Variants in TOX2 observed in about 807,000 individuals in gnomAD.
The protein encoded by TOX2 is TOX high mobility group box family member 2, also known as granulosa cell HMG box 1.
TOX2 carries 15 observed loss-of-function variants against 47.4 expected under a neutral mutation model. That is an observed-to-expected ratio of 0.32 (90% CI 0.21 to 0.49). The LOEUF is 0.49. TOX2 is among the 20% of genes least tolerant of loss of function. The pLI, the probability that TOX2 is intolerant of heterozygous loss-of-function variation, is 0.99. For synonymous variants in TOX2, 290 were observed against 296.6 expected (o/e 0.98, Z 0.23); for missense variants, 622 against 673.1 (o/e 0.92, Z 0.84).
At chr20:43,949,863 C>T (rs1019462505) in intron 1 of TOX2, among the ~76,000 whole-genome samples, 6 of 152,158 alleles carry the variant, frequency 3.9e-5, no homozygotes, top group Non-Finnish European at 8.8e-5. Flanking sequence ...GATGATGCAC[C>T]TTTATTCTCA....
rs1039678367 is a variant in TOX2, at chr20:43,915,909, G to A, written c.99+919G>A. On this transcript the variant is annotated intron_variant, in intron 1 of 8. Transcript: ENST00000341197. This position sits in a 1 kb window ranked among gnomAD's most constrained non-coding sequence, Gnocchi z 7.1. ...CTGCGCTGCGCCGGGCGCATTCCCA[G>A]TGATGGAGGCTTGCGTGCCTGGAAC... Among the ~76,000 whole-genome samples the A allele has an allele frequency of 4.6e-5, 7 of 152,246 alleles. No individual in the cohort carries two copies. Among genetic ancestry groups the A allele is most frequent in the African/African-American group, 1.4e-4 (6 of 41,468 alleles).
chr20:44,013,748 A>G (rs1488097493), intron 3 of TOX2, among the ~76,000 whole-genome samples: 1 of 152,138 alleles, frequency 6.6e-6, no homozygotes, highest in Admixed American at 6.5e-5. Flanking sequence ...TTATTCTAGG[A>G]TGGCCTTATT....
chr20:44,006,840 G>T, intron 3 of TOX2, 48 bp downstream of exon 3: 1 of 1,579,192 alleles, frequency 6.3e-7, no homozygotes, highest in Non-Finnish European at 8.6e-7. Flanking sequence ...CAGCAGGGAG[G>T]GGGTTGAGAG....
intron 2 of TOX2, among the ~76,000 whole-genome samples, chr20:44,005,823 G>A (rs796093825): frequency 2.6e-5 from 4 of 152,080 alleles, no homozygotes; most frequent in South Asian, 4.2e-4. Context: ...TGTGGCAAAT[G>A]GCATCCTTTG....
intron 3 of TOX2, among the ~76,000 whole-genome samples, chr20:44,036,337 G>C (rs1018918419): frequency 6.6e-6 from 1 of 152,232 alleles, no homozygotes; most frequent in African/African-American, 2.4e-5. Flanking sequence ...CAGCAATGGG[G>C]TAGGGCTGTG....
intron 1 of TOX2, chr20:43,945,825 G>C: frequency 6.4e-7 from 1 of 1,567,370 alleles, no homozygotes. Flanking sequence ...GGGGGTGCTG[G>C]GCCTCCAGCC....
intron 2 of TOX2, among the ~76,000 whole-genome samples, chr20:43,995,332 A>G (rs1202580229): frequency 6.6e-6 from 1 of 152,144 alleles, no homozygotes; most frequent in African/African-American, 2.4e-5. Flanking sequence ...GACAAGCCTG[A>G]CAAAATTGCA....
intron 2 of TOX2, among the ~76,000 whole-genome samples, chr20:44,002,323 T>G (rs1350976975): frequency 6.6e-6 from 1 of 152,154 alleles, no homozygotes; most frequent in African/African-American, 2.4e-5. Flanking sequence ...GTCCCCCATA[T>G]CCCAGTGTGC....
At chr20:44,046,695 T>G (rs914454944) in intron 3 of TOX2, among the ~76,000 whole-genome samples, 6 of 152,210 alleles carry the variant, frequency 3.9e-5, no homozygotes, top group Non-Finnish European at 7.3e-5. Flanking sequence ...AAGCCAATTC[T>G]TTTGAGATTT....
intron 3 of TOX2, among the ~76,000 whole-genome samples, chr20:44,036,507 T>A (rs733748): frequency 0.76 from 115,360 of 152,192 alleles, 43,858 homozygotes; most frequent in Middle Eastern, 0.81. Flanking sequence ...GAGTAAGAAG[T>A]AACTGGTCAA....
intron 3 of TOX2, among the ~76,000 whole-genome samples, chr20:44,018,288 G>A (rs983000666): frequency 6.6e-6 from 1 of 152,152 alleles, no homozygotes; most frequent in Admixed American, 6.5e-5. Context: ...CCTAATCAGA[G>A]CACTCGAGGC....
chr20:44,041,016 T>A (rs549535998), intron 3 of TOX2, among the ~76,000 whole-genome samples: 7 of 152,092 alleles, frequency 4.6e-5, no homozygotes, highest in Admixed American at 1.3e-4. Context: ...ATGGGGTTCT[T>A]GTGAAGGTTG....
intron 1 of TOX2, among the ~76,000 whole-genome samples, chr20:43,972,324 A>G (rs914077616): frequency 3.9e-5 from 6 of 152,144 alleles, no homozygotes; most frequent in Admixed American, 1.3e-4. Flanking sequence ...AGAGTTCCCC[A>G]TCAGAGCAGG....
intron 3 of TOX2, among the ~76,000 whole-genome samples, chr20:44,024,638 G>A (rs985851987): frequency 2.0e-5 from 3 of 151,690 alleles, no homozygotes; most frequent in Admixed American, 1.3e-4. Flanking sequence ...AATGGCACAT[G>A]TTCACTGTGA....
intron 3 of TOX2, among the ~76,000 whole-genome samples, chr20:44,033,355 G>T (rs2071186486): frequency 6.6e-6 from 1 of 152,120 alleles, no homozygotes; most frequent in East Asian, 1.9e-4. Flanking sequence ...AGCTTTAGTT[G>T]TGACTTCCCA....
At chr20:43,957,165 G>C (rs1340856447) in intron 1 of TOX2, among the ~76,000 whole-genome samples, 1 of 152,192 alleles carries the variant, frequency 6.6e-6, no homozygotes, top group Non-Finnish European at 1.5e-5. Flanking sequence ...TCTGTTTTCT[G>C]ATTGTTTCCC....
At chr20:44,066,248 A>ACAT (rs2071820229) in intron 7 of TOX2, 141 bp downstream of exon 7, 1 of 931,140 alleles carries the variant, frequency 1.1e-6, no homozygotes, top group African/African-American at 1.7e-5. Context: ...CTCAGTTACC[A>ACAT]CATCTAGGAA....
rs146117459 is a variant in TOX2 at position 43,993,105 on chromosome 20, C to T, written c.166-13442C>T. 4.6e-3 allele frequency among the ~76,000 whole-genome samples: 701 copies of T among 152,114 alleles called. 6 individuals are homozygous for T. The highest frequency in any genetic ancestry group is 3.1e-3 in the African/African-American group (130 of 41,476). On this transcript the variant is annotated intron_variant, in intron 2 of 8. Coordinates refer to ENST00000341197, the MANE Select transcript of TOX2 (RefSeq NM_001098797.2). The stretch of plus-strand genomic sequence containing the variant: ...CAGACACCATCCAGGCTGGCCATAG[C>T]GATGAGGGGGTGTCATAGGAGGTGA...
In TOX2 at chr20:44,065,975, G is replaced by A; in HGVS notation, c.1224G>A (p.Leu408=). The A allele has an allele frequency of 6.2e-7, 1 of 1,613,130 alleles. No homozygotes were observed. Among genetic ancestry groups the A allele is most frequent in the Non-Finnish European group, 8.5e-7 (1 of 1,179,864 alleles). The change falls in exon 7 of 9, where the codon CTG becomes CTA. Residue 408 remains leucine, a synonymous_variant. Transcript: ENST00000341197. The part of the protein sequence containing the change: ...LSPTLHQQLS[L]PPHAQGALLS... Reference sequence around the variant, plus strand: ...CCACACTGCACCAGCAGCTGTCACTGCCCCCTCACGCCCAGGGCGCCCTCC... The same window carrying A: ...CCACACTGCACCAGCAGCTGTCACTACCCCCTCACGCCCAGGGCGCCCTCC...
Sources: allele counts gnomAD v4.1 joint callset (sites outside exome capture counted in the v4.1 genomes callset), GRCh38; gene constraint gnomAD v4.1.1; non-coding constraint Gnocchi (gnomAD v3.1); transcripts MANE v1.5; gene names NCBI Gene and HGNC (gene_info 2026-07-23, HGNC 2026-07-21).